Variants in CDH6 observed in about 807,000 individuals in gnomAD.
CDH6 encodes the protein cadherin-6.
Under a neutral mutation model 78.0 loss-of-function variants are expected in CDH6, and 31 were observed. The ratio of observed to expected loss-of-function variants is 0.40; its 90% confidence interval spans 0.30 to 0.54. CDH6 has a LOEUF of 0.54. Ranked by LOEUF, CDH6 falls within the 20% of genes least tolerant of loss-of-function variation. The pLI, the probability that CDH6 is intolerant of heterozygous loss-of-function variation, is 0.56. For missense variants in CDH6, 724 were observed against 975.9 expected (o/e 0.74, Z 3.44); for synonymous variants, 376 against 368.8 (o/e 1.02, Z -0.23).
At chr5:31,229,506 G>A (rs1405477164) in intron 1 of CDH6, among the ~76,000 whole-genome samples, 3 of 152,202 alleles carry the variant, frequency 2.0e-5, no homozygotes, top group African/African-American at 4.8e-5. Flanking sequence ...TGGCTCTTAC[G>A]ACTGTATGGC....
chr5:31,236,347 A>G (rs902603754), intron 1 of CDH6, among the ~76,000 whole-genome samples: 1 of 152,154 alleles, frequency 6.6e-6, no homozygotes, highest in Non-Finnish European at 1.5e-5. Context: ...GAAACAAATC[A>G]CTCGAGTTTA....
intron 1 of CDH6, among the ~76,000 whole-genome samples, chr5:31,218,138 T>C (rs569930356): frequency 1.4e-4 from 21 of 152,272 alleles, no homozygotes; most frequent in African/African-American, 4.1e-4. Context: ...AAATACCAAG[T>C]TGAAATATAC....
rs546536885 is a variant in CDH6, at chr5:31,294,536, A to G, written c.523+280A>G. Among the ~76,000 whole-genome samples the G allele has an allele frequency of 5.7e-5, 7 of 123,278 alleles. No homozygotes were observed. The highest frequency in any genetic ancestry group is 2.5e-4 in the East Asian group (1 of 3,992). The allele number at this position is 123,278 out of a possible 152,430, so 80.9% of individuals were successfully genotyped here. ...CCATCTCCTTTCTCTCCCACCCTAA[A>G]TGCCCATTCTCTTTCTTGGGCTGAA... On this transcript the variant is annotated intron_variant, in intron 3 of 11. Transcript: ENST00000265071. The surrounding 1 kb of genome is among the most constrained non-coding windows in gnomAD (Gnocchi z 4.1).
rs1738673211 is a variant in CDH6 at position 31,328,920 on chromosome 5, AT to A, written c.*5614del. The A allele has an allele frequency of 4.5e-6, 1 of 220,914 alleles. No homozygotes were observed. Among genetic ancestry groups the A allele is most frequent in the African/African-American group, 2.2e-5 (1 of 44,644 alleles). The allele number at this position is 220,914 out of a possible 1,614,324, so 13.7% of individuals were successfully genotyped here. ...GTGTTAGAAGAATGGGGTCGAGAGT[AT>A]TACCTTTTAGCTCAGTGTGGCCGGG... On this transcript the variant is annotated 3_prime_UTR_variant, in exon 12 of 12. Coordinates refer to ENST00000265071, the MANE Select transcript of CDH6 (RefSeq NM_004932.4).
At chr5:31,195,368 T>C (rs912641812) in intron 1 of CDH6, among the ~76,000 whole-genome samples, 1 of 152,192 alleles carries the variant, frequency 6.6e-6, no homozygotes, top group South Asian at 2.1e-4. Flanking sequence ...AATGTACAAC[T>C]CTTCCAAGAA....
At chr5:31,296,221 T>C (rs1304754598) in intron 3 of CDH6, among the ~76,000 whole-genome samples, 1 of 152,188 alleles carries the variant, frequency 6.6e-6, no homozygotes, top group Non-Finnish European at 1.5e-5. Flanking sequence ...GCTTACTGGT[T>C]ATCTGATACA....
chr5:31,243,934 T>G (rs774040946), intron 1 of CDH6, among the ~76,000 whole-genome samples: 3 of 152,334 alleles, frequency 2.0e-5, no homozygotes, highest in African/African-American at 4.8e-5. Flanking sequence ...GAAAAGTTCA[T>G]GATGTGAATT....
chr5:31,302,968 G>GAAAGAAGGAAAGA (rs1737871114), intron 6 of CDH6, among the ~76,000 whole-genome samples: 2 of 119,092 alleles, frequency 1.7e-5, no homozygotes, highest in East Asian at 2.4e-4. Flanking sequence ...GGAAAGAAAA[G>GAAAGAAGGAAAGA]AAAGAAAGAA....
intron 2 of CDH6, among the ~76,000 whole-genome samples, chr5:31,272,768 C>G (rs144307139): frequency 6.6e-6 from 1 of 152,112 alleles, no homozygotes; most frequent in Non-Finnish European, 1.5e-5. Context: ...CTAACGCATT[C>G]GAGGTGCTTC....
chr5:31,235,230 C>CTTTTTTTTT (rs1228977478), intron 1 of CDH6, among the ~76,000 whole-genome samples: 1 of 46,018 alleles, frequency 2.2e-5, no homozygotes, highest in East Asian at 5.8e-4. Flanking sequence ...TTTTCTATTC[C>CTTTTTTTTT]TTTTTCTTTT....
At chr5:31,304,683 C>CAAAAA (rs11398035) in intron 6 of CDH6, among the ~76,000 whole-genome samples, 2 of 67,890 alleles carry the variant, frequency 2.9e-5, no homozygotes, top group Non-Finnish European at 2.6e-5. Flanking sequence ...GACTCCGTCT[C>CAAAAA]AAAAAAAAAA....
chr5:31,235,155 C>A (rs1260826020), intron 1 of CDH6, among the ~76,000 whole-genome samples: 1 of 151,734 alleles, frequency 6.6e-6, no homozygotes, highest in Non-Finnish European at 1.5e-5. Context: ...ATCCTAGATC[C>A]TACTACCATA....
intron 2 of CDH6, among the ~76,000 whole-genome samples, chr5:31,273,198 G>C (rs971959399): frequency 6.6e-6 from 1 of 152,184 alleles, no homozygotes; most frequent in Admixed American, 6.5e-5. Flanking sequence ...TTACTTAAAA[G>C]ATGCCATCGT....
At chr5:31,215,294 A>G (rs1318980435) in intron 1 of CDH6, among the ~76,000 whole-genome samples, 2 of 152,110 alleles carry the variant, frequency 1.3e-5, no homozygotes, top group Non-Finnish European at 2.9e-5. Flanking sequence ...AAGACATTTA[A>G]TTTTCTAGTT....
chr5:31,229,032 T>C (rs961757704), intron 1 of CDH6, among the ~76,000 whole-genome samples: 1 of 152,218 alleles, frequency 6.6e-6, no homozygotes, highest in Non-Finnish European at 1.5e-5. Flanking sequence ...TAGTTCTTTC[T>C]CCATTCTGAC....
At chr5:31,320,897 T>C (rs934677751) in intron 11 of CDH6, among the ~76,000 whole-genome samples, 1 of 151,796 alleles carries the variant, frequency 6.6e-6, no homozygotes, top group African/African-American at 2.4e-5. Flanking sequence ...GAGAATTGCT[T>C]GAACCTGGGA....
intron 7 of CDH6, among the ~76,000 whole-genome samples, chr5:31,310,011 A>C (rs1329584112): frequency 6.6e-6 from 1 of 152,172 alleles, no homozygotes; most frequent in Non-Finnish European, 1.5e-5. Context: ...TCCTTTTCAC[A>C]TTTCAAAACC....
intron 2 of CDH6, among the ~76,000 whole-genome samples, chr5:31,281,640 G>A (rs1742866722): frequency 6.6e-6 from 1 of 152,186 alleles, no homozygotes; most frequent in Non-Finnish European, 1.5e-5. Flanking sequence ...ACTTTATGCA[G>A]TTAATAAACT....
intron 1 of CDH6, among the ~76,000 whole-genome samples, chr5:31,245,137 A>T (rs1289189379): frequency 6.6e-6 from 1 of 152,152 alleles, no homozygotes; most frequent in Non-Finnish European, 1.5e-5. Context: ...AGGAGGGAAG[A>T]TTCACACCAA....
Sources: gnomAD v4.1 joint callset for allele counts (sites outside exome capture counted in the v4.1 genomes callset) on GRCh38, gnomAD v4.1.1 for gene constraint, Gnocchi (gnomAD v3.1) non-coding constraint, MANE v1.5 for transcripts, NCBI Gene and HGNC (gene_info 2026-07-23, HGNC 2026-07-21) for gene names.